IL2RB: variants seen among roughly 807,000 people sequenced by gnomAD.
IL2RB encodes the protein interleukin-2 receptor subunit beta.
Under a neutral mutation model 44.2 loss-of-function variants are expected in IL2RB, and 17 were observed. That is an observed-to-expected ratio of 0.38 (90% CI 0.26 to 0.58). The LOEUF (loss-of-function observed/expected upper bound fraction) is 0.58. Ranked by LOEUF, IL2RB falls within the 20% of genes least tolerant of loss-of-function variation. The pLI is 0.63. For synonymous variants in IL2RB, 286 were observed against 297.9 expected (o/e 0.96, Z 0.41); for missense variants, 624 against 685.5 (o/e 0.91, Z 1.00).
intron 1 of IL2RB, among the ~76,000 whole-genome samples, chr22:37,172,522 G>A (rs922737722): frequency 3.9e-5 from 6 of 152,206 alleles, no homozygotes; most frequent in Non-Finnish European, 8.8e-5. Context: ...AAGGGGCTGA[G>A]GTTTTGGGGG....
intron 1 of IL2RB, among the ~76,000 whole-genome samples, chr22:37,172,883 C>T (rs1207109212): frequency 6.6e-6 from 1 of 152,080 alleles, no homozygotes; most frequent in East Asian, 1.9e-4. Context: ...TGTAAGGAGC[C>T]CTGCCCTGTC....
intron 9 of IL2RB, among the ~76,000 whole-genome samples, chr22:37,129,382 T>A (rs1430038386): frequency 6.6e-6 from 1 of 152,184 alleles, no homozygotes; most frequent in African/African-American, 2.4e-5. Flanking sequence ...CCGCTTACAC[T>A]GTGGTGGGAA....
rs781721809 is a variant in IL2RB at position 37,136,268 on chromosome 22, G to A, written c.663C>T (p.Ser221=). ...KPLQGEFTTW[S]PWSQPLAFRT... ...TGAAGGCCAGGGGCTGGCTCCAGGG[G>A]CTCCAGGTCGTGAACTCGCCTTGCA... is the stretch of plus-strand genomic sequence containing the variant. The change falls in exon 7 of 10, where the codon AGC becomes AGT. Residue 221 remains serine (S), a synonymous_variant. Transcript: ENST00000216223. The A allele has an allele frequency of 6.0e-5, 96 of 1,612,374 alleles. No homozygotes were observed. The highest frequency in any genetic ancestry group is 8.0e-5 in the Non-Finnish European group (94 of 1,179,720).
intron 1 of IL2RB, among the ~76,000 whole-genome samples, chr22:37,146,181 C>T (rs937379312): frequency 6.6e-6 from 1 of 152,150 alleles, no homozygotes; most frequent in African/African-American, 2.4e-5. Flanking sequence ...GTTGTCTCTT[C>T]CCCACCCTCA....
At position 37,169,537 on chromosome 22, in the gene IL2RB, C is replaced by T. The variant is rs566084080; in HGVS notation, c.-34+5421G>A. Among the ~76,000 whole-genome samples, 9 of 152,328 alleles carry T rather than the reference C, an allele frequency of 5.9e-5. No homozygotes were observed. In the East Asian group the frequency reaches 1.3e-3, roughly 23 times the overall value. ...CTCCCCACTGCCCTCAAGACCCTAT[C>T]CAAGCATCCTGAGTCTGGCTTCAAG... is the stretch of plus-strand genomic sequence containing the variant. On this transcript the variant is annotated intron_variant, in intron 1 of 5. Coordinates refer to the IL2RB transcript ENST00000429622.
At chr22:37,135,204 A>G in intron 8 of IL2RB, 124 bp downstream of exon 8, 2 of 676,658 alleles carry the variant, frequency 3.0e-6, no homozygotes, top group Non-Finnish European at 5.3e-6. Context: ...GCAAGGTGGC[A>G]TGTGTTCATG....
chr22:37,131,187 A>C (rs1055726559), intron 9 of IL2RB, among the ~76,000 whole-genome samples: 33 of 152,120 alleles, frequency 2.2e-4, no homozygotes, highest in African/African-American at 7.7e-4. Context: ...TAAATAAATA[A>C]ATAAATAAAA....
At chr22:37,164,638 C>T (rs1036478863) in intron 1 of IL2RB, among the ~76,000 whole-genome samples, 2 of 152,116 alleles carry the variant, frequency 1.3e-5, no homozygotes, top group African/African-American at 4.8e-5. Context: ...CTTGAAATCA[C>T]CTCCTGTCTG....
At chr22:37,142,546 G>A in intron 3 of IL2RB, 34 bp from the exon 4 acceptor site, 9 of 1,600,580 alleles carry the variant, frequency 5.6e-6, no homozygotes, top group Non-Finnish European at 7.7e-6. Context: ...TAGAAGAACA[G>A]GAAGGACCCA....
rs979100171 is a variant in IL2RB, at chr22:37,127,982, C to G, written c.*114G>C. On this transcript the variant is annotated 3_prime_UTR_variant, in exon 10 of 10. Coordinates refer to ENST00000216223, the MANE Select transcript of IL2RB (RefSeq NM_000878.5). ...TGGGGGCCATCCGGGTGGAGAAGTC[C>G]AGCTGCAACTGGACACTGAGTGTCC... is the stretch of plus-strand genomic sequence containing the variant. The G allele has an allele frequency of 5.7e-6, 5 of 874,900 alleles. No individual in the cohort carries two copies. The East Asian group carries it at 1.6e-4, about 29-fold the overall frequency. The allele number at this position is 874,900 out of a possible 1,614,324, so 54.2% of individuals were successfully genotyped here.
At chr22:37,149,923 TG>T, upstream of IL2RB, 1 of 985,356 alleles carries the variant, frequency 1.0e-6, no homozygotes, top group Non-Finnish European at 1.2e-6. Flanking sequence ...CTCTGGCTGC[TG>T]GGGCCGCAAA....
rs555173261 is a variant in IL2RB, at chr22:37,167,340, G to A, written c.-34+7618C>T. On this transcript the variant is annotated intron_variant, in intron 1 of 5. Coordinates refer to the IL2RB transcript ENST00000429622. ...AGCCCCAGCCGGCACCCTCAGTCTC[G>A]TCCCACCATCTCTCTGCCTCCTGAG... Among the ~76,000 whole-genome samples the A allele has an allele frequency of 2.2e-4, 33 of 152,104 alleles. No individual in the cohort carries two copies. The South Asian group carries it at 3.3e-3, about 15-fold the overall frequency.
Position 37,137,718 on chromosome 22 carries a change from T to A in IL2RB, c.406A>T (p.Ile136Phe), listed in dbSNP as rs764222346. ...PFENLRLMAP[I>F]SLQVVHVETH... ...TCCACGTGGACAACTTGGAGGGAGA[T>A]GGGGGCCATCAGGCGAACTGGAGAC... The change falls in exon 6 of 10, where the codon ATC becomes TTC. Residue 136 changes from isoleucine to phenylalanine, a missense_variant. By Grantham distance (21) the Ile-to-Phe change is conservative. Around this residue, in one of 3 missense-constraint regions of IL2RB, gnomAD observed 255 missense variants for 339.9 expected, o/e 0.75. Coordinates refer to ENST00000216223, the MANE Select transcript of IL2RB (RefSeq NM_000878.5). The A allele has an allele frequency of 2.5e-6, 4 of 1,613,722 alleles. 1 individual carries two copies. In the South Asian group the frequency reaches 4.4e-5, roughly 18 times the overall value.
chr22:37,163,328 T>A (rs1015268834), intron 1 of IL2RB, among the ~76,000 whole-genome samples: 7 of 152,144 alleles, frequency 4.6e-5, no homozygotes, highest in African/African-American at 1.7e-4. Context: ...AAGAGTCTCA[T>A]TGGCTAAGAT....
intron 1 of IL2RB, among the ~76,000 whole-genome samples, chr22:37,156,760 G>C (rs528158992): frequency 2.0e-5 from 3 of 152,338 alleles, no homozygotes; most frequent in East Asian, 1.9e-4. Flanking sequence ...CACGGGCAGG[G>C]GAGAGCAGGT....
intron 1 of IL2RB, among the ~76,000 whole-genome samples, chr22:37,157,576 C>T (rs576552108): frequency 6.6e-6 from 1 of 152,204 alleles, no homozygotes; most frequent in African/African-American, 2.4e-5. Flanking sequence ...GTTTCCAGAA[C>T]ATAAGATTTA....
chr22:37,162,092 C>G (rs534567319), intron 1 of IL2RB: 2 of 152,198 alleles, frequency 1.3e-5, no homozygotes, highest in Non-Finnish European at 2.9e-5. Flanking sequence ...GGTGCCTTAG[C>G]CAAGTACAGG....
rs751977291 is a variant in IL2RB, at chr22:37,128,690, C to T, written c.1062G>A (p.Ser354=). The T allele has an allele frequency of 5.0e-6, 8 of 1,614,166 alleles. No individual in the cohort carries two copies. The East Asian group carries it at 8.9e-5, about 18-fold the overall frequency. ...CCTGGTTGGTGAAGCAGCTGGTCAG[C>T]GAGTGGTTGCTGCTTAAGGATGCGG... ...PEPASLSSNH[S]LTSCFTNQGY... The change falls in exon 10 of 10, where the codon TCG becomes TCA. Residue 354 remains serine, a synonymous_variant. Coordinates refer to ENST00000216223, the MANE Select transcript of IL2RB (RefSeq NM_000878.5). The surrounding 1 kb of genome is among the most constrained non-coding windows in gnomAD (Gnocchi z 4.5).
At chr22:37,151,927 T>C (rs1922504986), upstream of IL2RB, among the ~76,000 whole-genome samples, 1 of 152,256 alleles carries the variant, frequency 6.6e-6, no homozygotes, top group African/African-American at 2.4e-5. Context: ...CATTGGTCAA[T>C]GCATCTGTTT....
Sources: gnomAD v4.1 joint callset for allele counts (sites outside exome capture counted in the v4.1 genomes callset) on GRCh38, gnomAD v4.1.1 for gene constraint, gnomAD v4.1.1 regional missense constraint, Gnocchi (gnomAD v3.1) non-coding constraint, MANE v1.5 for transcripts, NCBI Gene and HGNC (gene_info 2026-07-23, HGNC 2026-07-21) for gene names.